The following OTOGL variants were observed in gnomAD, a reference collection of about 807,000 sequenced individuals.
OTOGL encodes the protein otogelin-like protein.
OTOGL carries 285 observed loss-of-function variants against 318.5 expected under a neutral mutation model. The observed-to-expected ratio is 0.89, with a 90% CI of 0.81 to 0.99. The LOEUF (loss-of-function observed/expected upper bound fraction) is 0.99, where lower values mean the gene tolerates loss of function less well. Ranked by LOEUF, OTOGL falls within the 50% of genes least tolerant of loss-of-function variation. The probability of loss-of-function intolerance (pLI) is 0.00; values close to 1 mark genes in which losing one functional copy is unlikely to be tolerated. For synonymous variants in OTOGL, 987 were observed against 936.5 expected, an observed-to-expected ratio of 1.05 and a Z score of -0.99; for missense variants, 2,899 against 2,845.6, an observed-to-expected ratio of 1.02 and a Z score of -0.43.
rs974075625 is a variant in OTOGL at position 80,121,034 on chromosome 12, C to T, written c.-20+21429C>T. ...GTAGGGTGTGTGGAGGGACAAAGGCCGAGCTCCTTGCTTCAATTCAGCTCA... is the reference window on the plus strand; with the variant it reads ...GTAGGGTGTGTGGAGGGACAAAGGCTGAGCTCCTTGCTTCAATTCAGCTCA... On this transcript the variant is annotated intron_variant, in intron 1 of 58. Coordinates refer to ENST00000547103, the MANE Select transcript of OTOGL (RefSeq NM_001378609.3). Among the ~76,000 whole-genome samples, 6 of 152,212 alleles carry T rather than the reference C, an allele frequency of 3.9e-5. No individual in the cohort carries two copies. The East Asian group carries it at 7.7e-4, about 20-fold the overall frequency.
chr12:80,242,378 G>T (rs1214365701), intron 11 of OTOGL, among the ~76,000 whole-genome samples: 1 of 152,060 alleles, frequency 6.6e-6, no homozygotes, highest in African/African-American at 2.4e-5. Flanking sequence ...GACAAAGCAG[G>T]CATGTAATAA....
At chr12:80,350,110 A>T (rs1889451943) in intron 44 of OTOGL, among the ~76,000 whole-genome samples, 1 of 152,218 alleles carries the variant, frequency 6.6e-6, no homozygotes, top group Non-Finnish European at 1.5e-5. Context: ...TCAATTCTAT[A>T]AGATCAACTT....
In OTOGL at chr12:80,255,128, G is replaced by T; in HGVS notation, c.1530G>T (p.Val510=). 6.6e-7 allele frequency: 1 copy of T among 1,525,874 alleles called. No homozygotes were observed. The allele number at this position is 1,525,874 out of a possible 1,614,324, so 94.5% of individuals were successfully genotyped here. The change falls in exon 16 of 59, where the codon GTG becomes GTT. Residue 510 remains valine (V), a synonymous_variant. Transcript: ENST00000547103. ...TTGGCATGTGCCAATACATCCTCGTGAAAGGAACTGGAAAAGATAAATTCA... is the reference window on the plus strand; with the variant it reads ...TTGGCATGTGCCAATACATCCTCGTTAAAGGAACTGGAAAAGATAAATTCA... ...SFIGMCQYIL[V]KGTGKDKFTI... is the part of the protein sequence containing the mutation.
rs78504664 is a variant in OTOGL at position 80,370,866 on chromosome 12, G to A, written c.6735+177G>A. 1.9e-4 allele frequency: 84 copies of A among 439,490 alleles called. No individual in the cohort carries two copies. In the East Asian group the frequency reaches 3.3e-3, roughly 17 times the overall value. The allele number at this position is 439,490 out of a possible 1,614,324, so 27.2% of individuals were successfully genotyped here. A position where few individuals can be genotyped will look rare whatever the true frequency, so the allele number is the denominator to read the frequency against. On this transcript the variant is annotated intron_variant, in intron 56 of 58. Coordinates refer to ENST00000547103, the MANE Select transcript of OTOGL (RefSeq NM_001378609.3). ...CCATTTGAAATTTTGAGTTATATAC[G>A]GCGTTCCAGGTAATTCTGTCTTGAA...
At chr12:80,143,816 A>G (rs1421002456) in intron 1 of OTOGL, among the ~76,000 whole-genome samples, 1 of 152,130 alleles carries the variant, frequency 6.6e-6, no homozygotes, top group South Asian at 2.1e-4. Flanking sequence ...GTCAGTCACT[A>G]TTTTATTTAT....
chr12:80,295,789 A>G (rs1885351991), intron 26 of OTOGL, among the ~76,000 whole-genome samples: 1 of 152,192 alleles, frequency 6.6e-6, no homozygotes, highest in African/African-American at 2.4e-5. Flanking sequence ...TGTTCGTTTT[A>G]TTTAATTATT....
chr12:80,169,456 C>T (rs111322539), intron 1 of OTOGL, among the ~76,000 whole-genome samples: 12 of 152,280 alleles, frequency 7.9e-5, no homozygotes, highest in Non-Finnish European at 1.6e-4. Flanking sequence ...TGCTCCTTCT[C>T]GTTTACTAAT....
intron 1 of OTOGL, among the ~76,000 whole-genome samples, chr12:80,187,994 G>T (rs550540959): frequency 6.6e-6 from 1 of 152,254 alleles, no homozygotes; most frequent in African/African-American, 2.4e-5. Context: ...GCTCTAAATT[G>T]GGCTGACAAG....
chr12:80,367,814 G>A, intron 54 of OTOGL, 75 bp downstream of exon 54: 1 of 994,818 alleles, frequency 1.0e-6, no homozygotes, highest in Non-Finnish European at 1.4e-6. Context: ...ATTTGAAATG[G>A]TGAATACTCC....
intron 7 of OTOGL, among the ~76,000 whole-genome samples, chr12:80,223,526 T>C (rs1181039818): frequency 6.6e-6 from 1 of 152,126 alleles, no homozygotes; most frequent in Non-Finnish European, 1.5e-5. Context: ...ATAGTAGTTG[T>C]ACTAGTTTAA....
chr12:80,308,091 G>T (rs1458115338), intron 29 of OTOGL, among the ~76,000 whole-genome samples: 3 of 144,130 alleles, frequency 2.1e-5, no homozygotes, highest in Admixed American at 6.7e-5. Context: ...TGGCCGGGTG[G>T]GGGGCTGACC....
chr12:80,185,922 A>C (rs17006470), intron 1 of OTOGL, among the ~76,000 whole-genome samples: 67,758 of 151,988 alleles, frequency 0.45, 15,427 homozygotes, highest in Admixed American at 0.54. Context: ...AATATTAGAA[A>C]AAAGGGACAA....
chr12:80,154,823 A>G (rs1430211811), intron 1 of OTOGL, among the ~76,000 whole-genome samples: 2 of 152,192 alleles, frequency 1.3e-5, no homozygotes, highest in Non-Finnish European at 2.9e-5. Context: ...TGGATCATAT[A>G]GTAAGAATAT....
At chr12:80,230,402 A>G (rs1372267720) in intron 8 of OTOGL, among the ~76,000 whole-genome samples, 5 of 152,184 alleles carry the variant, frequency 3.3e-5, no homozygotes, top group Admixed American at 3.3e-4. Context: ...GCATTTGAGT[A>G]AGAAGATAAT....
At chr12:80,329,788 T>A (rs1435745604) in intron 37 of OTOGL, among the ~76,000 whole-genome samples, 1 of 152,154 alleles carries the variant, frequency 6.6e-6, no homozygotes, top group Non-Finnish European at 1.5e-5. Flanking sequence ...TTGACAAGCT[T>A]TAATTGAGCA....
intron 1 of OTOGL, among the ~76,000 whole-genome samples, chr12:80,141,989 C>T (rs900928274): frequency 2.6e-5 from 4 of 152,034 alleles, no homozygotes; most frequent in Admixed American, 6.6e-5. Context: ...CCTTTCTTGT[C>T]CTCCTGGGCT....
At chr12:80,256,545 C>A in intron 17 of OTOGL, 85 bp downstream of exon 17, 1 of 1,458,952 alleles carries the variant, frequency 6.9e-7, no homozygotes. Flanking sequence ...AAAATGGGAT[C>A]TTTTCCTAAT....
chr12:80,251,045 C>CTT (rs1881497211), intron 11 of OTOGL, among the ~76,000 whole-genome samples: 1 of 152,160 alleles, frequency 6.6e-6, no homozygotes, highest in African/African-American at 2.4e-5. Context: ...TCTTTTAAAT[C>CTT]TTAAATGCCA....
chr12:80,214,975 T>C (rs1877576962), intron 4 of OTOGL, among the ~76,000 whole-genome samples: 1 of 152,184 alleles, frequency 6.6e-6, no homozygotes, highest in South Asian at 2.1e-4. Context: ...GGATGCTGGA[T>C]AAATAGGATG....
Sources: gnomAD v4.1 joint callset for allele counts (sites outside exome capture counted in the v4.1 genomes callset) on GRCh38, gnomAD v4.1.1 for gene constraint, MANE v1.5 for transcripts, NCBI Gene and HGNC (gene_info 2026-07-23, HGNC 2026-07-21) for gene names.